AHCYL1: variants seen among roughly 807,000 people sequenced by gnomAD.
AHCYL1 encodes adenosylhomocysteinase like 1.
AHCYL1 carries 20 observed loss-of-function variants against 79.3 expected under a neutral mutation model. That is an observed-to-expected ratio of 0.25 (90% CI 0.18 to 0.37). The LOEUF (loss-of-function observed/expected upper bound fraction) is 0.37, where lower values mean the gene tolerates loss of function less well. AHCYL1 is among the 10% of genes least tolerant of loss of function. The probability of loss-of-function intolerance (pLI) is 1.00; values close to 1 mark genes in which losing one functional copy is unlikely to be tolerated. For synonymous variants in AHCYL1, 223 were observed against 242.2 expected, an observed-to-expected ratio of 0.92 and a Z score of 0.74; for missense variants, 330 against 673.6, an observed-to-expected ratio of 0.49 and a Z score of 5.65.
At chr1:110,014,388 T>A (rs1004392685) in intron 5 of AHCYL1, among the ~76,000 whole-genome samples, 1 of 152,254 alleles carries the variant, frequency 6.6e-6, no homozygotes, top group Non-Finnish European at 1.5e-5. Context: ...GTCATTCATA[T>A]GGCTATGTGA....
chr1:109,995,005 T>C (rs1428237449), intron 1 of AHCYL1, among the ~76,000 whole-genome samples: 1 of 152,218 alleles, frequency 6.6e-6, no homozygotes, highest in African/African-American at 2.4e-5. Context: ...TTGGTGGGGC[T>C]GACCTTATTG....
Position 109,984,849 on chromosome 1 carries a change from C to T in AHCYL1, c.-204C>T. ...GCTGCTGTTCTGGTTCTCTTGTGGC[C>T]GCCGTCGCTGTCCGGCTGCCTTGGG... is the stretch of plus-strand genomic sequence containing the variant. On this transcript the variant is annotated 5_prime_UTR_variant, in exon 1 of 17. Coordinates refer to ENST00000369799, the MANE Select transcript of AHCYL1 (RefSeq NM_006621.7). 1.4e-6 allele frequency: 1 copy of T among 739,020 alleles called. No homozygotes were observed. Among genetic ancestry groups the T allele is most frequent in the South Asian group, 4.2e-5 (1 of 23,714 alleles). The allele number at this position is 739,020 out of a possible 1,614,324, so 45.8% of individuals were successfully genotyped here.
chr1:109,985,319 A>G (rs1240115235), intron 1 of AHCYL1, 147 bp downstream of exon 1: 97 of 1,365,280 alleles, frequency 7.1e-5, no homozygotes, highest in Non-Finnish European at 8.3e-5. Context: ...GTGCGGCCCC[A>G]GGCCTCTCCC....
At chr1:110,021,615 T>G in intron 16 of AHCYL1, 59 bp from the exon 17 acceptor site, 1 of 1,580,534 alleles carries the variant, frequency 6.3e-7, no homozygotes, top group Non-Finnish European at 8.7e-7. Flanking sequence ...TTCCGATTGT[T>G]TTTTGGAATT....
At chr1:110,012,516 ATTT>A in intron 4 of AHCYL1, 54 bp downstream of exon 4, 2 of 1,127,432 alleles carry the variant, frequency 1.8e-6, no homozygotes, top group Non-Finnish European at 1.2e-6. Flanking sequence ...AAAGAAATCA[ATTT>A]TTTTTTTTTC....
intron 1 of AHCYL1, chr1:109,985,414 G>A: frequency 8.0e-7 from 1 of 1,246,468 alleles, no homozygotes; most frequent in Non-Finnish European, 1.0e-6. Flanking sequence ...GACAGGGCCA[G>A]GCCTTAAATT....
At chr1:109,991,077 A>G (rs1053064368) in intron 1 of AHCYL1, among the ~76,000 whole-genome samples, 2 of 152,114 alleles carry the variant, frequency 1.3e-5, no homozygotes, top group Non-Finnish European at 2.9e-5. Context: ...CTTTGTTGAG[A>G]GACTCAGACT....
In AHCYL1 at chr1:110,009,055, A is replaced by G. The variant is rs1241710938; in HGVS notation, c.142A>G (p.Met48Val). ...ATAGCAAATCCAGTTTGCTGATGACATGCAGGAGTTCACCAAATTCCCCAC... is the reference window on the plus strand; with the variant it reads ...ATAGCAAATCCAGTTTGCTGATGACGTGCAGGAGTTCACCAAATTCCCCAC... ...PKKQIQFADDMQEFTKFPTKT... is the reference protein window; with the variant it reads ...PKKQIQFADDVQEFTKFPTKT... The change falls in exon 2 of 17, where the codon ATG becomes GTG. Residue 48 changes from methionine to valine, a missense_variant. Met to Val is a conservative substitution (Grantham distance 21). This residue lies in a region of AHCYL1 where 66 missense variants were observed against 68.0 expected (regional missense o/e 0.97). Coordinates refer to ENST00000369799, the MANE Select transcript of AHCYL1 (RefSeq NM_006621.7). 2.5e-6 allele frequency: 4 copies of G among 1,613,736 alleles called. No homozygotes were observed. The highest frequency in any genetic ancestry group is 3.4e-6 in the Non-Finnish European group (4 of 1,179,814).
At chr1:109,987,385 A>G (rs1649524078) in intron 1 of AHCYL1, among the ~76,000 whole-genome samples, 1 of 152,214 alleles carries the variant, frequency 6.6e-6, no homozygotes, top group Non-Finnish European at 1.5e-5. Context: ...GGTGTGAGAA[A>G]AAGACCTCTT....
chr1:110,018,786 T>C, intron 13 of AHCYL1, 136 bp downstream of exon 13: 3 of 938,032 alleles, frequency 3.2e-6, no homozygotes, highest in Non-Finnish European at 4.8e-6. Context: ...TTTCACAAAT[T>C]GGTCCCCAAA....
At chr1:110,002,233 T>G (rs1650355111) in intron 1 of AHCYL1, among the ~76,000 whole-genome samples, 1 of 152,218 alleles carries the variant, frequency 6.6e-6, no homozygotes. Context: ...ACTCCAGGTA[T>G]TAGCTTCTAA....
At chr1:110,014,970 T>C in intron 6 of AHCYL1, 113 bp downstream of exon 6, 1 of 991,394 alleles carries the variant, frequency 1.0e-6, no homozygotes, top group Non-Finnish European at 1.5e-6. Flanking sequence ...ACTGACTTTG[T>C]TGCTAAAGTG....
chr1:109,993,344 T>TATTAC (rs1482426683), intron 1 of AHCYL1, among the ~76,000 whole-genome samples: 1 of 152,248 alleles, frequency 6.6e-6, no homozygotes, highest in Non-Finnish European at 1.5e-5. Flanking sequence ...ACTGACCTGA[T>TATTAC]ATTTGAATTT....
Position 110,019,193 on chromosome 1 carries a change from G to A in AHCYL1, c.1386+74G>A, listed in dbSNP as rs1570894419. ...GGCGTAGATCAGTTCCAGTGAGGGT[G>A]TACTGTACTATGTTCTCATCATCCT... On this transcript the variant is annotated intron_variant, in intron 14 of 16. Coordinates refer to ENST00000369799, the MANE Select transcript of AHCYL1 (RefSeq NM_006621.7). The A allele has an allele frequency of 5.8e-6, 8 of 1,376,086 alleles. No homozygotes were observed. The Admixed American group carries it at 1.0e-4, about 17-fold the overall frequency. 85.2% of individuals were successfully genotyped at this position (1,376,086 alleles called of 1,614,324 possible). A position where few individuals can be genotyped will look rare whatever the true frequency, so the allele number is the denominator to read the frequency against.
chr1:110,013,410 A>G (rs1027052316), intron 5 of AHCYL1, among the ~76,000 whole-genome samples: 11 of 152,214 alleles, frequency 7.2e-5, no homozygotes, highest in African/African-American at 2.4e-4. Flanking sequence ...TAAACGTAAA[A>G]TAATTTTTTA....
intron 1 of AHCYL1, among the ~76,000 whole-genome samples, chr1:109,992,079 G>A (rs189902659): frequency 6.6e-6 from 1 of 151,762 alleles, no homozygotes; most frequent in African/African-American, 2.4e-5. Flanking sequence ...GAAATCTGGG[G>A]GCGGGGGGAA....
intron 1 of AHCYL1, among the ~76,000 whole-genome samples, chr1:109,989,565 A>G (rs570400415): frequency 3.3e-5 from 5 of 152,262 alleles, no homozygotes; most frequent in Admixed American, 3.3e-4. Context: ...ATTTTGATAC[A>G]TGGAATCATG....
intron 1 of AHCYL1, among the ~76,000 whole-genome samples, chr1:110,003,721 A>G (rs897234526): frequency 6.6e-6 from 1 of 152,196 alleles, no homozygotes; most frequent in East Asian, 1.9e-4. Flanking sequence ...AGGTCAGGCA[A>G]CTAGGTAGGT....
intron 1 of AHCYL1, among the ~76,000 whole-genome samples, chr1:109,994,895 CTGT>C (rs1392080466): frequency 1.3e-5 from 2 of 152,182 alleles, no homozygotes; most frequent in Admixed American, 1.3e-4. Flanking sequence ...GCTGTAGAAT[CTGT>C]TTACTTCAGG....
Sources: allele counts gnomAD v4.1 joint callset (sites outside exome capture counted in the v4.1 genomes callset), GRCh38; gene constraint gnomAD v4.1.1; regional missense constraint gnomAD v4.1.1; transcripts MANE v1.5; gene names NCBI Gene and HGNC (gene_info 2026-07-23, HGNC 2026-07-21).